PHF24: variants seen among roughly 807,000 people sequenced by gnomAD.
PHF24 encodes the protein PHD finger protein 24.
Under a neutral mutation model 42.6 loss-of-function variants are expected in PHF24, and 25 were observed. That is an observed-to-expected ratio of 0.59 (90% CI 0.43 to 0.82). The LOEUF (loss-of-function observed/expected upper bound fraction) is 0.82. Among genes scored for constraint, PHF24 ranks in the 40% least tolerant of loss-of-function variants. PHF24 has a pLI of 0.00. For synonymous variants in PHF24, 185 were observed against 204.8 expected (o/e 0.90, Z 0.83); for missense variants, 470 against 538.1 (o/e 0.87, Z 1.25).
the PHF24 span, among the ~76,000 whole-genome samples, chr9:34,907,911 C>T: frequency 2.0e-5 from 3 of 151,996 alleles, no homozygotes; most frequent in South Asian, 2.1e-4. Context: ...GGCATGATCT[C>T]GGCTCACTGC....
Position 34,971,524 on chromosome 9 carries a change from C to T in PHF24, c.226C>T (p.Arg76Cys), listed in dbSNP as rs763005447. 62 of 1,614,146 alleles carry T rather than the reference C, an allele frequency of 3.8e-5. No individual in the cohort carries two copies. Among genetic ancestry groups the T allele is most frequent in the African/African-American group, 1.1e-4 (8 of 75,014 alleles). ...GGTCCAGGAAGAGAGTAGTGCCGGC[C>T]GCGCAGCCTGGGAGCGGCTCCGAGA... Residue 76 changes from arginine to cysteine, a missense_variant, in exon 2 of 8, where the codon CGC becomes TGC. Physicochemically the swap from Arg to Cys is radical, Grantham distance 180. Transcript: ENST00000242315.
intron 6 of PHF24, 51 bp downstream of exon 6, chr9:34,977,294 TC>T: frequency 6.5e-7 from 1 of 1,533,994 alleles, no homozygotes; most frequent in Non-Finnish European, 8.8e-7. Flanking sequence ...TCCTCCCTTT[TC>T]CATGCCAGTG....
the PHF24 span, among the ~76,000 whole-genome samples, chr9:34,793,714 T>C: frequency 3.3e-5 from 5 of 151,914 alleles, no homozygotes; most frequent in Non-Finnish European, 5.9e-5. Context: ...AGCAGTCTTC[T>C]AACACTCAGG....
At chr9:34,892,428 G>T in the PHF24 span, among the ~76,000 whole-genome samples, 5 of 152,300 alleles carry the variant, frequency 3.3e-5, no homozygotes, top group African/African-American at 1.2e-4. Flanking sequence ...TGGAAAATTA[G>T]AAGTGGTGTG....
chr9:34,816,926 C>G, the PHF24 span, among the ~76,000 whole-genome samples: 93 of 152,264 alleles, frequency 6.1e-4, no homozygotes, highest in African/African-American at 2.0e-3. Flanking sequence ...ACATGTTGCC[C>G]TTGTCTCTTA....
exon 8 of PHF24, chr9:34,982,531 C>T (rs543426084): frequency 5.9e-5 from 9 of 152,314 alleles, no homozygotes; most frequent in African/African-American, 1.4e-4. Flanking sequence ...CATAATAAAG[C>T]GATTGCGATG....
At chr9:34,807,828 G>T in the PHF24 span, among the ~76,000 whole-genome samples, 1 of 152,132 alleles carries the variant, frequency 6.6e-6, no homozygotes, top group Non-Finnish European at 1.5e-5. Context: ...GACAGAAAGA[G>T]ATGGTAATTA....
At chr9:34,804,984 G>A in the PHF24 span, among the ~76,000 whole-genome samples, 3 of 152,060 alleles carry the variant, frequency 2.0e-5, no homozygotes, top group Non-Finnish European at 2.9e-5. Context: ...ATTGTGATTG[G>A]TTTCTTTCAC....
the PHF24 span, among the ~76,000 whole-genome samples, chr9:34,708,783 C>T: frequency 6.6e-6 from 1 of 152,214 alleles, no homozygotes; most frequent in African/African-American, 2.4e-5. Flanking sequence ...GCTCCATGTC[C>T]ACCACCTCTC....
At chr9:34,875,936 AC>A in the PHF24 span, among the ~76,000 whole-genome samples, 1 of 87,788 alleles carries the variant, frequency 1.1e-5, no homozygotes, top group East Asian at 3.1e-4. Flanking sequence ...ACACACACAC[AC>A]ACACACACAC....
At chr9:34,911,774 T>A in the PHF24 span, among the ~76,000 whole-genome samples, 4 of 151,504 alleles carry the variant, frequency 2.6e-5, no homozygotes, top group Non-Finnish European at 2.9e-5. Flanking sequence ...CCCCACTGAT[T>A]GTAACAAAAA....
At chr9:34,804,033 C>G in the PHF24 span, among the ~76,000 whole-genome samples, 3 of 152,270 alleles carry the variant, frequency 2.0e-5, no homozygotes, top group African/African-American at 7.2e-5. Flanking sequence ...TTCTTAGTCT[C>G]CCAGCTTGTC....
the PHF24 span, among the ~76,000 whole-genome samples, chr9:34,806,261 T>G: frequency 6.6e-6 from 1 of 152,186 alleles, no homozygotes. Flanking sequence ...CAATGTCAGC[T>G]GGGATTCTGG....
the PHF24 span, among the ~76,000 whole-genome samples, chr9:34,932,348 T>A: frequency 6.6e-6 from 1 of 152,226 alleles, no homozygotes; most frequent in African/African-American, 2.4e-5. Context: ...TGAACTTTGA[T>A]GTCTTCTAGC....
the PHF24 span, among the ~76,000 whole-genome samples, chr9:34,907,555 T>C: frequency 1.3e-5 from 2 of 152,176 alleles, no homozygotes; most frequent in African/African-American, 2.4e-5. Context: ...TGGTTTCATA[T>C]AGTTAGTATT....
At chr9:34,930,720 G>A in the PHF24 span, among the ~76,000 whole-genome samples, 4 of 152,322 alleles carry the variant, frequency 2.6e-5, no homozygotes, top group African/African-American at 9.6e-5. Flanking sequence ...GGTCAGGGAT[G>A]TGGAGAGGAA....
the PHF24 span, among the ~76,000 whole-genome samples, chr9:34,825,053 A>G: frequency 1.3e-5 from 2 of 152,178 alleles, no homozygotes; most frequent in Non-Finnish European, 2.9e-5. Context: ...GGCTAGAGCT[A>G]CATATGAGAT....
chr9:34,855,651 G>T, the PHF24 span, among the ~76,000 whole-genome samples: 2 of 152,200 alleles, frequency 1.3e-5, no homozygotes, highest in African/African-American at 4.8e-5. Context: ...TCCACTGTTA[G>T]CCTGGTGGAC....
At chr9:34,934,624 T>A in the PHF24 span, among the ~76,000 whole-genome samples, 1 of 150,466 alleles carries the variant, frequency 6.6e-6, no homozygotes. Flanking sequence ...AATCCCTGAC[T>A]CTCAAACAAA....
Sources: allele counts gnomAD v4.1 joint callset (sites outside exome capture counted in the v4.1 genomes callset), GRCh38; gene constraint gnomAD v4.1.1; transcripts MANE v1.5; gene names NCBI Gene and HGNC (gene_info 2026-07-23, HGNC 2026-07-21).